The following MYCBP2 variants were observed in gnomAD, a reference collection of about 807,000 sequenced individuals.
MYCBP2 encodes MYC binding protein 2, also known as E3 ubiquitin-protein ligase MYCBP2.
Under a neutral mutation model 525.3 loss-of-function variants are expected in MYCBP2, and 120 were observed. That is an observed-to-expected ratio of 0.23 (90% CI 0.20 to 0.27). The LOEUF is 0.27. Ranked by LOEUF, MYCBP2 falls within the 10% of genes least tolerant of loss-of-function variation. The pLI is 1.00. For missense variants in MYCBP2, 4,149 were observed against 5,657.1 expected (o/e 0.73, Z 8.55); for synonymous variants, 1,894 against 1,955.8 (o/e 0.97, Z 0.83).
chr13:77,125,965 A>T (rs1428768911), intron 53 of MYCBP2, among the ~76,000 whole-genome samples: 1 of 152,224 alleles, frequency 6.6e-6, no homozygotes, highest in Non-Finnish European at 1.5e-5. Context: ...GGGAACAAAG[A>T]AATGAAACCT....
At chr13:77,317,396 T>C (rs1240908505) in intron 1 of MYCBP2, among the ~76,000 whole-genome samples, 1 of 152,212 alleles carries the variant, frequency 6.6e-6, no homozygotes, top group Non-Finnish European at 1.5e-5. Flanking sequence ...ATCAGAGCTA[T>C]GGAGATGGGA....
Position 77,058,313 on chromosome 13 carries a change from C to A in MYCBP2, c.13234G>T (p.Gly4412Cys). The A allele has an allele frequency of 6.2e-7, 1 of 1,614,094 alleles. No individual in the cohort carries two copies. The highest frequency in any genetic ancestry group is 8.5e-7 in the Non-Finnish European group (1 of 1,180,016). The change falls in exon 78 of 83, where the codon GGC (glycine) becomes TGC (cysteine). Residue 4412 changes from glycine (G) to cysteine (C), a missense_variant. Transcript: ENST00000544440. The surrounding 1 kb of genome is among the most constrained non-coding windows in gnomAD (Gnocchi z 4.1). ...AGGCTTGTGGCACTTTTGTCACAGCCGTGTAGACAGGGCAGACAGTGCTCT... is the reference window on the plus strand; with the variant it reads ...AGGCTTGTGGCACTTTTGTCACAGCAGTGTAGACAGGGCAGACAGTGCTCT... ...NEEHCLPCLH[G>C]CDKSATSLKQ...
intron 72 of MYCBP2, 44 bp from the exon 73 acceptor site, chr13:77,064,778 A>G: frequency 1.3e-6 from 2 of 1,541,550 alleles, no homozygotes; most frequent in Non-Finnish European, 1.8e-6. Context: ...CCAGAAATGT[A>G]TTACCATAGT....
Position 77,068,782 on chromosome 13 carries a change from C to T in MYCBP2, c.11954G>A (p.Arg3985His), listed in dbSNP as rs775792091. 1.1e-5 allele frequency: 17 copies of T among 1,613,994 alleles called. No homozygotes were observed. Among genetic ancestry groups the T allele is most frequent in the African/African-American group, 5.3e-5 (4 of 74,896 alleles). Residue 3985 changes from arginine to histidine, a missense_variant, in exon 70 of 83, where the codon CGT (arginine) becomes CAT (histidine). Arg to His is a conservative substitution (Grantham distance 29). Coordinates refer to ENST00000544440, the MANE Select transcript of MYCBP2 (RefSeq NM_015057.5). ...TGATATAGCATGTTCCCATTCTTCA[C>T]GGACTCTGGTAGCTTCCATGCGAAT... The part of the protein sequence containing the change: ...QAIRMEATRV[R>H]EEWEHAISSK...
chr13:77,095,267 G>A (rs571306948), intron 58 of MYCBP2, 91 bp downstream of exon 58: 1 of 1,470,470 alleles, frequency 6.8e-7, no homozygotes, highest in South Asian at 1.3e-5. Flanking sequence ...AGCTAATAAA[G>A]TGTAGGTCAA....
chr13:77,161,044 T>C (rs543679145), intron 44 of MYCBP2, among the ~76,000 whole-genome samples: 8 of 152,318 alleles, frequency 5.3e-5, no homozygotes, highest in East Asian at 1.9e-4. Context: ...CTTCACACCA[T>C]TGCTAGATGC....
intron 43 of MYCBP2, among the ~76,000 whole-genome samples, chr13:77,162,485 T>A (rs1374701830): frequency 6.6e-6 from 1 of 152,222 alleles, no homozygotes; most frequent in Non-Finnish European, 1.5e-5. Flanking sequence ...GTAATACTTG[T>A]TCAATGGGAA....
chr13:77,225,522 T>G lies in MYCBP2; in HGVS notation c.2770A>C (p.Ser924Arg), dbSNP rs1462954208. 13 of 1,613,564 alleles carry G rather than the reference T, an allele frequency of 8.1e-6. No homozygotes were observed. The highest frequency in any genetic ancestry group is 1.3e-5 in the African/African-American group (1 of 74,924). ...CCTGGAGGGTATGTTGTGATTTTGC[T>G]TGCATCCTTTTCGCCTCTTTCTCCA... ...GSGERGEKDASKITTYPPGSV... is the reference protein window; with the variant it reads ...GSGERGEKDARKITTYPPGSV... The change falls in exon 19 of 83, where the codon AGC (serine) becomes CGC (arginine). Residue 924 changes from serine to arginine, a missense_variant. Coordinates refer to ENST00000544440, the MANE Select transcript of MYCBP2 (RefSeq NM_015057.5).
intron 7 of MYCBP2, 150 bp downstream of exon 7, chr13:77,269,842 T>C: frequency 1.6e-6 from 1 of 640,480 alleles, no homozygotes; most frequent in Non-Finnish European, 2.6e-6. Context: ...ACAGTGTTCT[T>C]TACGCTACAC....
chr13:77,273,451 G>A (rs929000870), intron 5 of MYCBP2, 21 bp downstream of exon 5: 50 of 1,540,472 alleles, frequency 3.2e-5, no homozygotes, highest in Non-Finnish European at 4.2e-5. Context: ...AAACTTCTAA[G>A]CAGATATAAA....
intron 49 of MYCBP2, among the ~76,000 whole-genome samples, chr13:77,142,888 T>G (rs904347470): frequency 6.6e-6 from 1 of 152,172 alleles, no homozygotes; most frequent in African/African-American, 2.4e-5. Context: ...AATACAACTA[T>G]TCCAAAATCA....
At chr13:77,070,993 T>G (rs1467811449) in intron 68 of MYCBP2, among the ~76,000 whole-genome samples, 1 of 152,174 alleles carries the variant, frequency 6.6e-6, no homozygotes, top group African/African-American at 2.4e-5. Flanking sequence ...TATTTCTAAA[T>G]TGTAAACATT....
chr13:77,200,650 G>A (rs1362764698), intron 26 of MYCBP2, among the ~76,000 whole-genome samples: 1 of 151,986 alleles, frequency 6.6e-6, no homozygotes, highest in Non-Finnish European at 1.5e-5. Context: ...GAGAAAGGTC[G>A]GGTTACCCTC....
chr13:77,048,118 GGT>G (rs1040154417), intron 82 of MYCBP2, among the ~76,000 whole-genome samples: 1 of 152,092 alleles, frequency 6.6e-6, no homozygotes, highest in African/African-American at 2.4e-5. Flanking sequence ...CCAATGTTAT[GGT>G]GTTAGGAGGT....
intron 1 of MYCBP2, among the ~76,000 whole-genome samples, chr13:77,297,812 T>C (rs542606646): frequency 6.6e-6 from 1 of 152,332 alleles, no homozygotes; most frequent in East Asian, 1.9e-4. Context: ...ATCTGGTCAA[T>C]TATATCTCAT....
chr13:77,233,151 A>T lies in MYCBP2; in HGVS notation c.2737+5T>A. ...CCCACCTAGGTGATAAGGAAGACCA[A>T]ATACCTTTGTGCTTGTCCCGTTTAT... On this transcript the variant is annotated splice_donor_5th_base_variant and intron_variant, in intron 18 of 82. Coordinates refer to ENST00000544440, the MANE Select transcript of MYCBP2 (RefSeq NM_015057.5). The T allele has an allele frequency of 2.5e-6, 4 of 1,612,266 alleles. No individual in the cohort carries two copies. The highest frequency in any genetic ancestry group is 3.4e-6 in the Non-Finnish European group (4 of 1,178,702).
chr13:77,070,495 C>T (rs879349238), intron 69 of MYCBP2, 136 bp downstream of exon 69: 1 of 524,476 alleles, frequency 1.9e-6, no homozygotes, highest in Admixed American at 3.1e-5. Context: ...TCTTTTTCTT[C>T]AAATATGGCC....
chr13:77,202,996 G>A (rs1437008312), intron 26 of MYCBP2, among the ~76,000 whole-genome samples: 1 of 151,668 alleles, frequency 6.6e-6, no homozygotes, highest in African/African-American at 2.4e-5. Context: ...AGACAGGGAT[G>A]CCCTCTCTCA....
At chr13:77,242,226 G>C (rs2068966760) in intron 17 of MYCBP2, among the ~76,000 whole-genome samples, 3 of 152,144 alleles carry the variant, frequency 2.0e-5, no homozygotes, top group Admixed American at 2.0e-4. Flanking sequence ...TGATTCTCCT[G>C]CCTCAGTCTC....
Sources: allele counts gnomAD v4.1 joint callset (sites outside exome capture counted in the v4.1 genomes callset), GRCh38; gene constraint gnomAD v4.1.1; non-coding constraint Gnocchi (gnomAD v3.1); transcripts MANE v1.5; gene names NCBI Gene and HGNC (gene_info 2026-07-23, HGNC 2026-07-21).